CHN2: variants seen among roughly 807,000 people sequenced by gnomAD.
CHN2 encodes chimerin 2, also known as beta-chimaerin.
In CHN2, 35 loss-of-function variants were observed where a neutral mutation model predicts 56.3. The observed-to-expected ratio is 0.62, with a 90% CI of 0.47 to 0.82. The LOEUF (loss-of-function observed/expected upper bound fraction) is 0.82. Among genes scored for constraint, CHN2 ranks in the 40% least tolerant of loss-of-function variants. The pLI, the probability that CHN2 is intolerant of heterozygous loss-of-function variation, is 0.00. For missense variants in CHN2, 491 were observed against 580.5 expected (o/e 0.85, Z 1.58); for synonymous variants, 210 against 212.8 (o/e 0.99, Z 0.12).
At chr7:29,173,445 A>G (rs1172207199) in intron 2 of CHN2, among the ~76,000 whole-genome samples, 2 of 152,066 alleles carry the variant, frequency 1.3e-5, no homozygotes, top group Non-Finnish European at 2.9e-5. Flanking sequence ...GCTACGAGAG[A>G]ATGTCACCCC....
At chr7:29,482,790 CTTTTTTCTTTTTTTTTTTTTTTTTTT>C (rs1562644825) in intron 7 of CHN2, among the ~76,000 whole-genome samples, 1 of 97,948 alleles carries the variant, frequency 1.0e-5, no homozygotes, top group Non-Finnish European at 2.0e-5. Flanking sequence ...GCTGTCTGCA[CTTTTTTCTTTTTTTTTTTTTTTTTTT>C]TTTTTTTTTT....
At chr7:29,359,327 G>A (rs1302849134) in intron 2 of CHN2, among the ~76,000 whole-genome samples, 4 of 152,186 alleles carry the variant, frequency 2.6e-5, no homozygotes, top group East Asian at 1.9e-4. Context: ...AAGAAATTTA[G>A]AAGGGTAAGA....
intron 2 of CHN2, among the ~76,000 whole-genome samples, chr7:29,153,818 C>T (rs1793964981): frequency 6.6e-6 from 1 of 152,162 alleles, no homozygotes. Context: ...GATCTACCTG[C>T]CTCGGCCTCT....
intron 6 of CHN2, among the ~76,000 whole-genome samples, chr7:29,415,254 C>T (rs992645900): frequency 3.3e-5 from 5 of 152,122 alleles, no homozygotes; most frequent in Admixed American, 1.3e-4. Flanking sequence ...AACATAAACA[C>T]GGAGCGACAG....
intron 1 of CHN2, among the ~76,000 whole-genome samples, chr7:29,288,263 C>G (rs1404285912): frequency 6.6e-6 from 1 of 152,114 alleles, no homozygotes; most frequent in Non-Finnish European, 1.5e-5. Context: ...GCTGGTTTCC[C>G]AGTCTGTAAA....
intron 10 of CHN2, 120 bp from the exon 11 acceptor site, chr7:29,507,108 A>T: frequency 1.1e-6 from 1 of 879,240 alleles, no homozygotes; most frequent in Non-Finnish European, 1.7e-6. Context: ...AGAAGCCAAA[A>T]GAGTTAGCTG....
chr7:29,214,357 T>C (rs147301754), intron 1 of CHN2, among the ~76,000 whole-genome samples: 1 of 152,284 alleles, frequency 6.6e-6, no homozygotes, highest in Non-Finnish European at 1.5e-5. Context: ...CTCTCCCTAG[T>C]CCTCTGGCCC....
Position 29,223,745 on chromosome 7 carries a change from G to GCACATATGCACAGATTTCTGTTATATA in CHN2, c.49+28761_49+28787dup, listed in dbSNP as rs1331577103. 3.9e-5 allele frequency among the ~76,000 whole-genome samples: 6 copies of GCACATATGCACAGATTTCTGTTATATA among 152,150 alleles called. No homozygotes were observed. The East Asian group carries it at 1.2e-3, about 29-fold the overall frequency. ...TATTGCTATGAATATTCTTATATAT[G>GCACATATGCACAGATTTCTGTTATATA]CACATATGCACAGATTTCTGTTATA... is the stretch of plus-strand genomic sequence containing the variant. On this transcript the variant is annotated intron_variant, in intron 1 of 12. Transcript: ENST00000222792.
intron 6 of CHN2, among the ~76,000 whole-genome samples, chr7:29,447,143 G>C (rs145960383): frequency 2.0e-5 from 3 of 152,172 alleles, no homozygotes; most frequent in South Asian, 2.1e-4. Flanking sequence ...CATCATCTAT[G>C]AGGGGACTAG....
intron 6 of CHN2, among the ~76,000 whole-genome samples, chr7:29,440,512 G>A (rs1185183551): frequency 3.3e-5 from 5 of 151,768 alleles, no homozygotes; most frequent in South Asian, 2.1e-4. Flanking sequence ...CCAACATGGC[G>A]AAACCCCATC....
intron 6 of CHN2, among the ~76,000 whole-genome samples, chr7:29,449,276 C>G (rs557170720): frequency 6.6e-6 from 1 of 152,192 alleles, no homozygotes; most frequent in East Asian, 1.9e-4. Context: ...AAAAAATAAT[C>G]TATGTGTCAG....
At chr7:29,317,418 C>A (rs143657505) in intron 1 of CHN2, among the ~76,000 whole-genome samples, 4 of 152,130 alleles carry the variant, frequency 2.6e-5, no homozygotes, top group African/African-American at 9.7e-5. Flanking sequence ...CCCAGATCCT[C>A]GATGTGCAAA....
At chr7:29,259,326 C>CAA (rs61063244) in intron 1 of CHN2, among the ~76,000 whole-genome samples, 42,628 of 146,952 alleles carry the variant, frequency 0.29, 6,419 homozygotes, top group African/African-American at 0.35. Context: ...GACCTTGTCT[C>CAA]AAAAAAAAAA....
intron 2 of CHN2, among the ~76,000 whole-genome samples, chr7:29,161,721 CCT>C (rs2128711097): frequency 6.6e-6 from 1 of 151,810 alleles, no homozygotes; most frequent in Admixed American, 6.6e-5. Context: ...TGTGAAAGAC[CCT>C]GTTAAGAAGA....
At chr7:29,444,223 C>A (rs1473826276) in intron 6 of CHN2, among the ~76,000 whole-genome samples, 1 of 152,152 alleles carries the variant, frequency 6.6e-6, no homozygotes, top group Admixed American at 6.5e-5. Flanking sequence ...ATAAAAAATT[C>A]TATTTAACCC....
intron 1 of CHN2, among the ~76,000 whole-genome samples, chr7:29,198,990 A>G (rs1783946194): frequency 6.6e-6 from 1 of 152,214 alleles, no homozygotes; most frequent in South Asian, 2.1e-4. Flanking sequence ...TTAAAATGCA[A>G]ACAGAAAAAG....
At chr7:29,201,237 T>TA (rs950696604) in intron 1 of CHN2, among the ~76,000 whole-genome samples, 16 of 152,276 alleles carry the variant, frequency 1.1e-4, no homozygotes, top group African/African-American at 3.6e-4. Context: ...CAACATTGTA[T>TA]AAGAAAATCA....
intron 2 of CHN2, among the ~76,000 whole-genome samples, chr7:29,366,024 G>A (rs1799130582): frequency 6.6e-6 from 1 of 152,182 alleles, no homozygotes; most frequent in South Asian, 2.1e-4. Context: ...TAGGATGCTG[G>A]TGTCTAGAGA....
intron 1 of CHN2, among the ~76,000 whole-genome samples, chr7:29,233,265 G>C (rs1215975793): frequency 6.6e-6 from 1 of 152,224 alleles, no homozygotes; most frequent in Non-Finnish European, 1.5e-5. Context: ...AATTAGTTAA[G>C]TCATGTAATA....
Sources: allele counts gnomAD v4.1 joint callset (sites outside exome capture counted in the v4.1 genomes callset), GRCh38; gene constraint gnomAD v4.1.1; transcripts MANE v1.5; gene names NCBI Gene and HGNC (gene_info 2026-07-23, HGNC 2026-07-21).